SLC41A3: variants seen among roughly 807,000 people sequenced by gnomAD.
SLC41A3 encodes the protein SLC41A1-like 2.
In SLC41A3, 44 loss-of-function variants were observed where a neutral mutation model predicts 45.4. That is an observed-to-expected ratio of 0.97 (90% CI 0.76 to 1.25). The LOEUF is 1.25. Ranked by LOEUF, SLC41A3 falls within the 50% of genes most tolerant of loss-of-function variation. SLC41A3 has a pLI of 0.00. For synonymous variants in SLC41A3, 256 were observed against 252.4 expected (o/e 1.01, Z -0.13); for missense variants, 550 against 600.6 (o/e 0.92, Z 0.88).
intron 1 of SLC41A3, among the ~76,000 whole-genome samples, chr3:126,093,111 G>T (rs922761391): frequency 6.6e-6 from 1 of 152,152 alleles, no homozygotes; most frequent in African/African-American, 2.4e-5. Context: ...GCAGTTCCCT[G>T]TTAGAATACA....
intron 4 of SLC41A3, among the ~76,000 whole-genome samples, chr3:126,027,266 C>T (rs1002850789): frequency 7.7e-6 from 1 of 129,392 alleles, no homozygotes; most frequent in African/African-American, 2.8e-5. Flanking sequence ...CACCCCCCAC[C>T]CTGTCCCTTG....
chr3:126,071,758 C>A (rs569149437), intron 1 of SLC41A3, among the ~76,000 whole-genome samples: 1 of 146,228 alleles, frequency 6.8e-6, no homozygotes, highest in Non-Finnish European at 1.5e-5. Context: ...TATAAATATG[C>A]GGAAATTAAA....
intron 1 of SLC41A3, among the ~76,000 whole-genome samples, chr3:126,099,005 G>A (rs1047165255): frequency 3.4e-5 from 5 of 144,958 alleles, no homozygotes; most frequent in Non-Finnish European, 6.0e-5. Context: ...AGCTCAAAGT[G>A]ATCCACCCGC....
At chr3:126,077,578 C>T (rs895679025) in intron 1 of SLC41A3, among the ~76,000 whole-genome samples, 2 of 152,018 alleles carry the variant, frequency 1.3e-5, no homozygotes, top group African/African-American at 4.8e-5. Flanking sequence ...ATCTCTGGCC[C>T]GTGTTCAGTA....
chr3:126,088,705 T>C (rs1288629763), upstream of SLC41A3, among the ~76,000 whole-genome samples: 1 of 152,202 alleles, frequency 6.6e-6, no homozygotes, highest in Admixed American at 6.5e-5. Flanking sequence ...AGGGCAAAAC[T>C]ATTTAAAACC....
intron 6 of SLC41A3, among the ~76,000 whole-genome samples, chr3:126,021,817 T>C (rs1372393907): frequency 6.6e-6 from 1 of 152,180 alleles, no homozygotes; most frequent in African/African-American, 2.4e-5. Context: ...ACACTTCAAT[T>C]AGTAGCAGTT....
chr3:126,076,410 G>C (rs1254392898), intron 1 of SLC41A3, among the ~76,000 whole-genome samples: 1 of 152,134 alleles, frequency 6.6e-6, no homozygotes, highest in Admixed American at 6.5e-5. Flanking sequence ...ACTAATGAGT[G>C]ACAGACATTT....
intron 3 of SLC41A3, among the ~76,000 whole-genome samples, chr3:126,036,758 C>G (rs1047735952): frequency 6.6e-6 from 1 of 152,166 alleles, no homozygotes; most frequent in Non-Finnish European, 1.5e-5. Flanking sequence ...TTTGTCATTA[C>G]TTTCTGTATT....
rs765420289 is a variant in SLC41A3, at chr3:126,016,870, G to A, written c.751C>T (p.Arg251Trp). The A allele has an allele frequency of 9.3e-6, 15 of 1,611,816 alleles. No homozygotes were observed. Among genetic ancestry groups the A allele is most frequent in the South Asian group, 7.7e-5 (7 of 90,894 alleles). ...AGGCAGACCAGCGGCGTCAGATACC[G>A]ACTATCTGAAAGGAGAACAGGGACA... is the stretch of plus-strand genomic sequence containing the variant. ...SSFFYRHKDSRYLTPLVCLSF... is the reference protein window; with the variant it reads ...SSFFYRHKDSWYLTPLVCLSF... The change falls in exon 7 of 11, where the codon CGG (arginine) becomes TGG (tryptophan). Residue 251 changes from arginine to tryptophan, a missense_variant. Physicochemically the swap from Arg to Trp is moderately radical, Grantham distance 101. Coordinates refer to ENST00000360370, the MANE Select transcript of SLC41A3 (RefSeq NM_017836.4).
chr3:126,063,642 A>G (rs1261299576), intron 2 of SLC41A3, among the ~76,000 whole-genome samples: 3 of 151,998 alleles, frequency 2.0e-5, no homozygotes, highest in African/African-American at 4.8e-5. Context: ...CAAAACATAA[A>G]ACAGGGTAAC....
rs1269978022 is a variant in SLC41A3, at chr3:126,017,883, G to C, written c.746-1008C>G. On this transcript the variant is annotated intron_variant, in intron 6 of 10. Transcript: ENST00000360370. ...TGGTAGGAGGGCGTGGCCTCTGCAG[G>C]AGATATAAGCCAGGCCCAGCCACCT... 2.0e-5 allele frequency among the ~76,000 whole-genome samples: 3 copies of C among 152,186 alleles called. No individual in the cohort carries two copies. In the East Asian group the frequency reaches 5.8e-4, roughly 29 times the overall value.
intron 1 of SLC41A3, among the ~76,000 whole-genome samples, chr3:126,081,296 A>G (rs7624939): frequency 0.65 from 97,924 of 151,574 alleles, 31,833 homozygotes; most frequent in Middle Eastern, 0.71. Flanking sequence ...CTCATATGTG[A>G]GCGCTGAAGG....
chr3:126,007,493 C>T (rs1939223130), intron 10 of SLC41A3, among the ~76,000 whole-genome samples: 1 of 152,220 alleles, frequency 6.6e-6, no homozygotes, highest in African/African-American at 2.4e-5. Context: ...CACTGCCACT[C>T]ACCAGCTGGG....
intron 6 of SLC41A3, among the ~76,000 whole-genome samples, chr3:126,021,481 G>A (rs555232601): frequency 6.6e-6 from 1 of 152,332 alleles, no homozygotes; most frequent in South Asian, 2.1e-4. Context: ...AATTCCAGGT[G>A]TCTTCTGTCT....
At chr3:126,054,089 C>T (rs1320526230) in intron 2 of SLC41A3, among the ~76,000 whole-genome samples, 1 of 152,212 alleles carries the variant, frequency 6.6e-6, no homozygotes, top group African/African-American at 2.4e-5. Flanking sequence ...TCATCTTTGA[C>T]ACCACTGTCT....
At chr3:126,099,375 G>C (rs1413796034) in intron 1 of SLC41A3, among the ~76,000 whole-genome samples, 2 of 152,172 alleles carry the variant, frequency 1.3e-5, no homozygotes, top group Non-Finnish European at 2.9e-5. Context: ...TTTAGATAAT[G>C]TGTTGGTAAT....
At chr3:126,072,603 A>G (rs1490640112) in intron 1 of SLC41A3, among the ~76,000 whole-genome samples, 3 of 152,234 alleles carry the variant, frequency 2.0e-5, no homozygotes, top group Non-Finnish European at 4.4e-5. Flanking sequence ...GCTATTATTA[A>G]AAAGTCAAAA....
chr3:126,094,443 T>C (rs2108136110), intron 1 of SLC41A3, among the ~76,000 whole-genome samples: 1 of 152,312 alleles, frequency 6.6e-6, no homozygotes, highest in Admixed American at 6.5e-5. Context: ...CTCCAACATT[T>C]TCGCCTTGGA....
At chr3:126,061,340 T>TG (rs1374987765) in intron 2 of SLC41A3, among the ~76,000 whole-genome samples, 1 of 152,216 alleles carries the variant, frequency 6.6e-6, no homozygotes, top group Non-Finnish European at 1.5e-5. Context: ...GTCCACCCCC[T>TG]GCCAGGCTGG....
Sources: allele counts gnomAD v4.1 joint callset (sites outside exome capture counted in the v4.1 genomes callset), GRCh38; gene constraint gnomAD v4.1.1; transcripts MANE v1.5; gene names NCBI Gene and HGNC (gene_info 2026-07-23, HGNC 2026-07-21).